The following VRK2 variants were observed in gnomAD, a reference collection of about 807,000 sequenced individuals.
VRK2 encodes serine/threonine-protein kinase VRK2.
In VRK2, 60 loss-of-function variants were observed where a neutral mutation model predicts 57.6. The ratio of observed to expected loss-of-function variants is 1.04; its 90% CI spans 0.85 to 1.29. The LOEUF (loss-of-function observed/expected upper bound fraction) is 1.29, where lower values mean the gene tolerates loss of function less well. Ranked by LOEUF, VRK2 falls within the 50% of genes most tolerant of loss-of-function variation. The pLI, the probability that VRK2 is intolerant of heterozygous loss-of-function variation, is 0.00. For missense variants in VRK2, 705 were observed against 588.1 expected, an observed-to-expected ratio of 1.20 and a Z score of -2.06; for synonymous variants, 231 against 199.2, an observed-to-expected ratio of 1.16 and a Z score of -1.35.
intron 1 of VRK2, among the ~76,000 whole-genome samples, chr2:57,918,467 C>G (rs765889981): frequency 3.9e-5 from 6 of 152,064 alleles, no homozygotes; most frequent in Non-Finnish European, 7.4e-5. Flanking sequence ...TTTAAAATGG[C>G]TTGCCTCTTT....
At chr2:58,131,414 C>A (rs569526115) in intron 8 of VRK2, among the ~76,000 whole-genome samples, 1 of 151,972 alleles carries the variant, frequency 6.6e-6, no homozygotes, top group East Asian at 1.9e-4. Flanking sequence ...ACCCTATGGA[C>A]TTCCTGGAAC....
intron 2 of VRK2, among the ~76,000 whole-genome samples, chr2:58,082,995 A>C (rs1671115217): frequency 6.6e-6 from 1 of 151,790 alleles, no homozygotes; most frequent in Non-Finnish European, 1.5e-5. Flanking sequence ...AGCTGACAGA[A>C]TTAGAAGAAA....
At chr2:57,936,081 T>C (rs1670894707) in intron 1 of VRK2, among the ~76,000 whole-genome samples, 1 of 152,166 alleles carries the variant, frequency 6.6e-6, no homozygotes, top group Non-Finnish European at 1.5e-5. Context: ...ATCATCTTTA[T>C]TAATGTTGCC....
At chr2:58,065,922 G>T (rs1002226341) in intron 2 of VRK2, among the ~76,000 whole-genome samples, 2 of 152,078 alleles carry the variant, frequency 1.3e-5, no homozygotes, top group Non-Finnish European at 2.9e-5. Flanking sequence ...TAGTATATTA[G>T]TAGTATGTTG....
At chr2:57,926,998 T>TTGTGTGTGTGTGTGTGTGTG (rs57943937) in intron 1 of VRK2, among the ~76,000 whole-genome samples, 1,969 of 142,598 alleles carry the variant, frequency 0.014, 45 homozygotes, top group African/African-American at 0.041. Context: ...TTTTAATTTC[T>TTGTGTGTGTGTGTGTGTGTG]TGTGTGTGTG....
At chr2:57,991,167 T>G (rs1260843675) in intron 1 of VRK2, among the ~76,000 whole-genome samples, 1 of 152,172 alleles carries the variant, frequency 6.6e-6, no homozygotes, top group African/African-American at 2.4e-5. Flanking sequence ...AGGCAAACCC[T>G]CTGAGTGTAC....
chr2:57,965,775 C>T (rs1671898016), intron 1 of VRK2, among the ~76,000 whole-genome samples: 1 of 152,132 alleles, frequency 6.6e-6, no homozygotes, highest in African/African-American at 2.4e-5. Context: ...TGAGTCCAGA[C>T]CCCGAACTGA....
At chr2:57,923,926 C>T (rs745708734) in intron 1 of VRK2, among the ~76,000 whole-genome samples, 4 of 151,842 alleles carry the variant, frequency 2.6e-5, no homozygotes, top group African/African-American at 4.8e-5. Flanking sequence ...GGTCTAGTTT[C>T]GTTCTTATGC....
chr2:58,131,967 G>A (rs749145044), intron 9 of VRK2, 39 bp downstream of exon 9: 1 of 1,610,836 alleles, frequency 6.2e-7, no homozygotes, highest in African/African-American at 1.3e-5. Context: ...ACTGCACCAG[G>A]TCTGAAGGGA....
rs531513271 is a variant in VRK2 at position 58,039,959 on chromosome 2, A to C, written c.-6+6406A>C. Among the ~76,000 whole-genome samples, 343 of 151,664 alleles carry C rather than the reference A, an allele frequency of 2.3e-3. 2 individuals carry two copies. The highest frequency in any genetic ancestry group is 8.0e-3 in the African/African-American group (329 of 41,374). ...GAGACAGAGTCTCACTCTGTTGCCC[A>C]GGCTGGAGTAGTGTTGTGATCATAG... On this transcript the variant is annotated intron_variant, in intron 3 of 15. Transcript: ENST00000417641.
intron 7 of VRK2, among the ~76,000 whole-genome samples, chr2:58,122,576 A>G (rs1345815880): frequency 6.6e-6 from 1 of 152,238 alleles, no homozygotes; most frequent in Non-Finnish European, 1.5e-5. Context: ...ACGCTGAGGA[A>G]GGAGGGGTTG....
intron 7 of VRK2, among the ~76,000 whole-genome samples, chr2:58,110,796 A>G (rs1390529037): frequency 6.6e-6 from 1 of 152,206 alleles, no homozygotes; most frequent in Admixed American, 6.5e-5. Flanking sequence ...GGAGAGCTTC[A>G]GACATGATGC....
At chr2:58,020,101 ATT>A (rs1304732762) in intron 1 of VRK2, among the ~76,000 whole-genome samples, 1 of 152,236 alleles carries the variant, frequency 6.6e-6, no homozygotes, top group Non-Finnish European at 1.5e-5. Flanking sequence ...TTAAGTGACA[ATT>A]AACAGATCTG....
chr2:58,040,733 G>C (rs959535103), intron 3 of VRK2, among the ~76,000 whole-genome samples: 11 of 152,118 alleles, frequency 7.2e-5, no homozygotes, highest in African/African-American at 2.7e-4. Flanking sequence ...TAGTTCATTA[G>C]GTAAGCTATG....
At chr2:57,922,482 G>GTGTA (rs1286787723) in intron 1 of VRK2, among the ~76,000 whole-genome samples, 1 of 151,568 alleles carries the variant, frequency 6.6e-6, no homozygotes, top group Non-Finnish European at 1.5e-5. Context: ...GTGTGTGTGT[G>GTGTA]TGTGTGATGA....
chr2:58,151,570 G>A (rs1055451413), intron 12 of VRK2, among the ~76,000 whole-genome samples: 1 of 151,082 alleles, frequency 6.6e-6, no homozygotes, highest in Non-Finnish European at 1.5e-5. Context: ...AACTATATTT[G>A]CTCCATTTCC....
At chr2:58,049,113 G>T (rs1675322469) in intron 2 of VRK2, 146 bp downstream of exon 2, 2 of 1,041,792 alleles carry the variant, frequency 1.9e-6, no homozygotes, top group South Asian at 4.3e-5. Context: ...TAATAATAGA[G>T]TACAGTGTCT....
intron 1 of VRK2, among the ~76,000 whole-genome samples, chr2:58,025,482 T>G (rs550024185): frequency 6.6e-6 from 1 of 152,318 alleles, no homozygotes; most frequent in African/African-American, 2.4e-5. Flanking sequence ...TAGGCTAGTT[T>G]TCATTTTAAT....
intron 3 of VRK2, among the ~76,000 whole-genome samples, chr2:58,036,319 T>C (rs1177807965): frequency 6.6e-6 from 1 of 152,024 alleles, no homozygotes; most frequent in African/African-American, 2.4e-5. Flanking sequence ...TCCTTTAAAC[T>C]ATAAAGTATC....
Sources: gnomAD v4.1 joint callset for allele counts (sites outside exome capture counted in the v4.1 genomes callset) on GRCh38, gnomAD v4.1.1 for gene constraint, MANE v1.5 for transcripts, NCBI Gene and HGNC (gene_info 2026-07-23, HGNC 2026-07-21) for gene names.